Variants in ZNF521 observed in about 807,000 individuals in gnomAD.
ZNF521 encodes the protein zinc finger protein 521.
Under a neutral mutation model 105.5 loss-of-function variants are expected in ZNF521, and 14 were observed. That is an observed-to-expected ratio of 0.13 (90% CI 0.09 to 0.21). ZNF521 has a LOEUF of 0.21. ZNF521 is among the 10% of genes least tolerant of loss of function. The pLI is 1.00. For missense variants in ZNF521, 1,233 were observed against 1,629.7 expected, an observed-to-expected ratio of 0.76 and a Z score of 4.19; for synonymous variants, 635 against 606.0, an observed-to-expected ratio of 1.05 and a Z score of -0.70.
intron 5 of ZNF521, among the ~76,000 whole-genome samples, chr18:25,135,999 C>T: frequency 6.6e-6 from 1 of 152,164 alleles, no homozygotes. Flanking sequence ...ATTATTGCTA[C>T]TCAACAAAAA....
intron 5 of ZNF521, among the ~76,000 whole-genome samples, chr18:25,146,627 C>T (rs911662913): frequency 1.3e-5 from 2 of 152,142 alleles, no homozygotes; most frequent in African/African-American, 4.8e-5. Flanking sequence ...TAACCCTTGC[C>T]ACTTGGCCTG....
intron 5 of ZNF521, among the ~76,000 whole-genome samples, chr18:25,111,261 T>A (rs2034184629): frequency 6.6e-6 from 1 of 152,120 alleles, no homozygotes; most frequent in East Asian, 1.9e-4. Context: ...AAAAGAATGG[T>A]CTGAATAAGC....
intron 2 of ZNF521, among the ~76,000 whole-genome samples, chr18:25,329,861 G>C (rs1913456467): frequency 6.6e-6 from 1 of 152,166 alleles, no homozygotes; most frequent in Admixed American, 6.5e-5. Flanking sequence ...AGAGGCTACA[G>C]GGTAAACCAG....
chr18:25,120,339 T>G (rs1038738173), intron 5 of ZNF521, among the ~76,000 whole-genome samples: 2 of 152,114 alleles, frequency 1.3e-5, no homozygotes, highest in African/African-American at 2.4e-5. Context: ...TCCCAGCACT[T>G]TGGGAGGCCA....
At chr18:25,345,465 T>A (rs1914420486) in intron 2 of ZNF521, 1 of 152,246 alleles carries the variant, frequency 6.6e-6, no homozygotes, top group African/African-American at 2.4e-5. Context: ...AGTATCCTAT[T>A]TTTTGTCCTT....
chr18:25,082,580 A>C (rs757604249), intron 7 of ZNF521: 8 of 446,860 alleles, frequency 1.8e-5, no homozygotes, highest in Non-Finnish European at 3.1e-5. Context: ...TCACGCCTGT[A>C]ATCCTAGCAC....
chr18:25,161,376 C>T (rs12959363), intron 5 of ZNF521, among the ~76,000 whole-genome samples: 4,345 of 152,142 alleles, frequency 0.029, 132 homozygotes, highest in East Asian at 0.13. Context: ...AGTGTGACAG[C>T]TGCTGTGGGG....
intron 3 of ZNF521, among the ~76,000 whole-genome samples, chr18:25,290,562 C>T (rs1463001803): frequency 6.7e-6 from 1 of 149,760 alleles, no homozygotes; most frequent in Non-Finnish European, 1.5e-5. Flanking sequence ...ATTTCTACTT[C>T]TATTGAAGTA....
intron 3 of ZNF521, among the ~76,000 whole-genome samples, chr18:25,256,788 G>A (rs909790185): frequency 6.6e-6 from 1 of 151,420 alleles, no homozygotes. Context: ...AAATACAAGT[G>A]TGTGTGCAGC....
At chr18:25,287,654 G>A (rs1352876952) in intron 3 of ZNF521, among the ~76,000 whole-genome samples, 1 of 150,804 alleles carries the variant, frequency 6.6e-6, no homozygotes, top group Non-Finnish European at 1.5e-5. Context: ...CCTTATTAAT[G>A]TAATCTAACT....
intron 5 of ZNF521, among the ~76,000 whole-genome samples, chr18:25,160,489 T>G (rs1004806414): frequency 1.3e-5 from 2 of 152,186 alleles, no homozygotes; most frequent in African/African-American, 4.8e-5. Flanking sequence ...CTTTCATACA[T>G]GGACACACTG....
chr18:25,239,891 G>C (rs181951606), intron 3 of ZNF521, among the ~76,000 whole-genome samples: 140 of 152,074 alleles, frequency 9.2e-4, no homozygotes, highest in Non-Finnish European at 1.5e-3. Context: ...TGGCTACCAG[G>C]GGGTATTTTG....
At chr18:25,300,596 A>C (rs1911584626) in intron 3 of ZNF521, among the ~76,000 whole-genome samples, 1 of 152,216 alleles carries the variant, frequency 6.6e-6, no homozygotes, top group Non-Finnish European at 1.5e-5. Context: ...TAAATAAAAA[A>C]GTCACTGCAA....
chr18:25,077,616 G>A (rs1367866980), intron 7 of ZNF521, among the ~76,000 whole-genome samples: 13 of 152,036 alleles, frequency 8.6e-5, no homozygotes, highest in Non-Finnish European at 1.9e-4. Context: ...TTATGTTTCC[G>A]AAAACGACGC....
chr18:25,253,535 T>TG (rs1908260532), intron 3 of ZNF521, among the ~76,000 whole-genome samples: 1 of 152,166 alleles, frequency 6.6e-6, no homozygotes, highest in South Asian at 2.1e-4. Context: ...TCAAAAAAGT[T>TG]GGGGTGCTCA....
At chr18:25,307,301 TGG>T (rs2145093564) in intron 3 of ZNF521, among the ~76,000 whole-genome samples, 1 of 152,332 alleles carries the variant, frequency 6.6e-6, no homozygotes, top group South Asian at 2.1e-4. Context: ...AAATCTTTGA[TGG>T]TTACCCACTG....
chr18:25,266,718 C>A (rs2144919211), intron 3 of ZNF521, among the ~76,000 whole-genome samples: 1 of 152,114 alleles, frequency 6.6e-6, no homozygotes, highest in South Asian at 2.1e-4. Context: ...GCACTCCGGC[C>A]CAGATACTGC....
At chr18:25,163,735 T>G (rs551179587) in intron 5 of ZNF521, among the ~76,000 whole-genome samples, 24 of 152,198 alleles carry the variant, frequency 1.6e-4, no homozygotes, top group African/African-American at 5.5e-4. Flanking sequence ...AAAAAAGAAA[T>G]GGATCTGATG....
chr18:25,343,693 G>A (rs538314040), intron 2 of ZNF521, among the ~76,000 whole-genome samples: 9 of 151,956 alleles, frequency 5.9e-5, no homozygotes, highest in Admixed American at 1.3e-4. Context: ...AAATGAACAC[G>A]TACCTAACAC....
Sources: allele counts gnomAD v4.1 joint callset (sites outside exome capture counted in the v4.1 genomes callset), GRCh38; gene constraint gnomAD v4.1.1; transcripts MANE v1.5; gene names NCBI Gene and HGNC (gene_info 2026-07-23, HGNC 2026-07-21).